The following SORCS1 variants were observed in gnomAD, a reference collection of about 807,000 sequenced individuals.
SORCS1 encodes sortilin related VPS10 domain containing receptor 1, also known as VPS10 domain-containing receptor SorCS1.
A neutral mutation model predicts 146.1 loss-of-function variants in SORCS1; 60 were observed. The ratio of observed to expected loss-of-function variants is 0.41; its 90% confidence interval spans 0.33 to 0.51. The LOEUF (loss-of-function observed/expected upper bound fraction) is 0.51. Among genes scored for constraint, SORCS1 ranks in the 20% least tolerant of loss-of-function variants. SORCS1 has a pLI of 0.21. For missense variants in SORCS1, 1,352 were observed against 1,487.6 expected, an observed-to-expected ratio of 0.91 and a Z score of 1.50; for synonymous variants, 637 against 584.0, an observed-to-expected ratio of 1.09 and a Z score of -1.31.
chr10:106,881,069 T>A (rs1950786918), intron 2 of SORCS1, among the ~76,000 whole-genome samples: 1 of 115,288 alleles, frequency 8.7e-6, no homozygotes, highest in African/African-American at 3.5e-5. Context: ...AGAGCAAGAC[T>A]CTGTCTCAAA....
intron 1 of SORCS1, among the ~76,000 whole-genome samples, chr10:107,035,780 C>T (rs1958881565): frequency 1.3e-5 from 2 of 152,214 alleles, no homozygotes; most frequent in South Asian, 4.1e-4. Context: ...GACAGCACTT[C>T]TAGAATACTT....
chr10:106,870,214 C>T (rs1488719573), intron 2 of SORCS1, among the ~76,000 whole-genome samples: 2 of 152,108 alleles, frequency 1.3e-5, no homozygotes, highest in South Asian at 2.1e-4. Flanking sequence ...AATGGAAAAA[C>T]ATCCCATGCT....
intron 2 of SORCS1, among the ~76,000 whole-genome samples, chr10:106,921,775 A>G (rs992465478): frequency 2.6e-5 from 4 of 152,194 alleles, no homozygotes; most frequent in African/African-American, 9.6e-5. Flanking sequence ...AGTGCCCCAA[A>G]AGGCAAAACC....
intron 1 of SORCS1, among the ~76,000 whole-genome samples, chr10:107,040,483 A>G (rs1037974760): frequency 6.6e-6 from 1 of 152,212 alleles, no homozygotes; most frequent in Non-Finnish European, 1.5e-5. Context: ...ACTCAAGGAC[A>G]AATTTCTTCA....
chr10:106,712,584 T>A (rs1451447515), intron 6 of SORCS1, among the ~76,000 whole-genome samples: 1 of 152,158 alleles, frequency 6.6e-6, no homozygotes, highest in African/African-American at 2.4e-5. Context: ...GATGCCAATA[T>A]CAACTATCTT....
rs187015974 is a variant in SORCS1, at chr10:106,590,935, A to T, written c.3265+6416T>A. The stretch of plus-strand genomic sequence containing the variant: ...CTCCCAAAGTGCTGGTATTACAGGC[A>T]TGAGCCAGTGCACCCAGCCCATTAT... On this transcript the variant is annotated intron_variant, in intron 24 of 25. Transcript: ENST00000263054. 1.4e-3 allele frequency among the ~76,000 whole-genome samples: 210 copies of T among 152,340 alleles called. 1 individual carries two copies. The highest frequency in any genetic ancestry group is 4.8e-3 in the African/African-American group (198 of 41,590).
intron 3 of SORCS1, among the ~76,000 whole-genome samples, chr10:106,801,583 C>T (rs1946881005): frequency 7.2e-6 from 1 of 139,508 alleles, no homozygotes. Flanking sequence ...GGCTGGAGTG[C>T]AGTGGTGGGA....
intron 3 of SORCS1, among the ~76,000 whole-genome samples, chr10:106,799,597 A>G (rs1486196844): frequency 6.6e-6 from 1 of 152,260 alleles, no homozygotes; most frequent in Non-Finnish European, 1.5e-5. Context: ...TCTCAAAAAA[A>G]GACATTTATG....
intron 24 of SORCS1, among the ~76,000 whole-genome samples, chr10:106,595,351 G>A (rs939841552): frequency 2.0e-5 from 3 of 152,166 alleles, no homozygotes; most frequent in Admixed American, 1.3e-4. Context: ...AATAGGAGAT[G>A]TGCCCTACTC....
At chr10:106,967,777 A>T (rs1220440400) in intron 1 of SORCS1, among the ~76,000 whole-genome samples, 3 of 152,274 alleles carry the variant, frequency 2.0e-5, no homozygotes, top group African/African-American at 7.2e-5. Context: ...TTAAGCTAGT[A>T]CCTACTCAAA....
chr10:106,644,604 T>C (rs1849288318), intron 18 of SORCS1, among the ~76,000 whole-genome samples: 4 of 152,158 alleles, frequency 2.6e-5, no homozygotes, highest in Admixed American at 6.5e-5. Flanking sequence ...TGACCTTGTG[T>C]TCTGCCCGCC....
intron 1 of SORCS1, among the ~76,000 whole-genome samples, chr10:107,040,680 G>T (rs932862): frequency 0.79 from 120,676 of 152,108 alleles, 48,047 homozygotes; most frequent in East Asian, 0.91. Flanking sequence ...TAAAGAAACC[G>T]GATTAGGGTT....
At chr10:107,171,514 CTTTTTTTTT>C in the SORCS1 span, among the ~76,000 whole-genome samples, 1 of 117,272 alleles carries the variant, frequency 8.5e-6, no homozygotes, top group Non-Finnish European at 1.7e-5. Context: ...GGGAATCCCC[CTTTTTTTTT>C]TTTTTTTTTT....
intron 1 of SORCS1, among the ~76,000 whole-genome samples, chr10:107,126,769 T>C (rs1966736491): frequency 6.6e-6 from 1 of 151,972 alleles, no homozygotes; most frequent in South Asian, 2.1e-4. Flanking sequence ...GCATCCCAGT[T>C]GAGAGGGAGG....
At chr10:106,932,121 C>A (rs1158642035) in intron 2 of SORCS1, among the ~76,000 whole-genome samples, 2 of 152,140 alleles carry the variant, frequency 1.3e-5, no homozygotes, top group South Asian at 2.1e-4. Context: ...TTTGATCCCC[C>A]ATTTACAAAG....
rs974722712 is a variant in SORCS1, at chr10:107,157,837, G to A, written c.558+6132C>T. ...CTTTTATGGAGCCTGGCCTCACCTCGCAATGAACACATCTCTTCTCTGCCA... is the reference window on the plus strand; with the variant it reads ...CTTTTATGGAGCCTGGCCTCACCTCACAATGAACACATCTCTTCTCTGCCA... On this transcript the variant is annotated intron_variant, in intron 1 of 25. Transcript: ENST00000263054. Among the ~76,000 whole-genome samples, 11 of 152,132 alleles carry A rather than the reference G, an allele frequency of 7.2e-5. No individual in the cohort carries two copies. The South Asian group carries it at 8.3e-4, about 11-fold the overall frequency.
intron 1 of SORCS1, among the ~76,000 whole-genome samples, chr10:106,962,720 G>GT (rs1955297596): frequency 1.3e-5 from 2 of 152,170 alleles, no homozygotes; most frequent in Admixed American, 6.5e-5. Flanking sequence ...GGTGCTTCGT[G>GT]TAACACATGG....
intron 1 of SORCS1, among the ~76,000 whole-genome samples, chr10:107,067,008 A>G (rs1961935556): frequency 6.6e-6 from 1 of 152,214 alleles, no homozygotes; most frequent in Non-Finnish European, 1.5e-5. Context: ...GATATAAAAA[A>G]TTGGGAATGT....
In SORCS1 at chr10:106,575,918, G is replaced by A. The variant is rs1241607145; in HGVS notation, c.*1502C>T. On this transcript the variant is annotated 3_prime_UTR_variant, in exon 26 of 26. Transcript: ENST00000263054. The stretch of plus-strand genomic sequence containing the variant: ...TACCAGGTAACAGCAACCGTCACAG[G>A]AGGAAATTGCCCTGCGAAATTGTCA... The A allele has an allele frequency of 6.6e-6, 1 of 152,626 alleles. No homozygotes were observed. The highest frequency in any genetic ancestry group is 1.5e-5 in the Non-Finnish European group (1 of 68,044). 9.5% of individuals were successfully genotyped at this position (152,626 alleles called of 1,614,324 possible).
Sources: allele counts gnomAD v4.1 joint callset (sites outside exome capture counted in the v4.1 genomes callset), GRCh38; gene constraint gnomAD v4.1.1; transcripts MANE v1.5; gene names NCBI Gene and HGNC (gene_info 2026-07-23, HGNC 2026-07-21).